The following ZNF678 variants were observed in gnomAD, a reference collection of about 807,000 sequenced individuals.
ZNF678 encodes the protein zinc finger protein 678.
In ZNF678, 5 loss-of-function variants were observed where a neutral mutation model predicts 3.0. The observed-to-expected ratio is 1.69, with a 90% CI of 0.88 to 3.56. The LOEUF is 3.56. Ranked by LOEUF, ZNF678 falls within the 30% of genes most tolerant of loss-of-function variation. The pLI, the probability that ZNF678 is intolerant of heterozygous loss-of-function variation, is 0.00. For synonymous variants in ZNF678, 218 were observed against 199.6 expected (o/e 1.09, Z -0.78); for missense variants, 593 against 605.0 (o/e 0.98, Z 0.21).
At chr1:227,598,803 C>T (rs1657659643) in intron 1 of ZNF678, 1 of 553,944 alleles carries the variant, frequency 1.8e-6, no homozygotes, top group Non-Finnish European at 3.4e-6. Context: ...CTCATTTTCA[C>T]AATCAGAAGA....
intron 1 of ZNF678, among the ~76,000 whole-genome samples, chr1:227,588,551 A>G (rs1232891302): frequency 9.4e-5 from 14 of 148,318 alleles, no homozygotes; most frequent in African/African-American, 3.0e-4. Flanking sequence ...CCAGGCTGGA[A>G]TATAATGGCA....
Position 227,660,692 on chromosome 1 carries a change from T to C in ZNF678, c.*4864T>C, listed in dbSNP as rs1659382691. 6.6e-6 allele frequency: 1 copy of C among 152,172 alleles called. No individual in the cohort carries two copies. The highest frequency in any genetic ancestry group is 2.4e-5 in the African/African-American group (1 of 41,456). 9.4% of individuals were successfully genotyped at this position (152,172 alleles called of 1,614,324 possible). ...TTTCTTTCTTTCCAATTTGGTTGTC[T>C]TTGGTTTTGTTTTCTAATTTCTCTG... is the stretch of plus-strand genomic sequence containing the variant. On this transcript the variant is annotated 3_prime_UTR_variant, in exon 4 of 4. Transcript: ENST00000343776.
intron 1 of ZNF678, among the ~76,000 whole-genome samples, chr1:227,566,515 G>A (rs1282348783): frequency 2.6e-5 from 4 of 152,208 alleles, no homozygotes; most frequent in South Asian, 2.1e-4. Context: ...AGACAGAATG[G>A]TCAGTGAGCA....
chr1:227,568,374 A>G (rs924527271), intron 1 of ZNF678, among the ~76,000 whole-genome samples: 1 of 151,308 alleles, frequency 6.6e-6, no homozygotes, highest in Non-Finnish European at 1.5e-5. Flanking sequence ...AAAAATGGGA[A>G]TTTGCAATCC....
chr1:227,651,803 G>A (rs1366637242), intron 3 of ZNF678, among the ~76,000 whole-genome samples: 1 of 152,082 alleles, frequency 6.6e-6, no homozygotes, highest in African/African-American at 2.4e-5. Context: ...CAAACACCTG[G>A]CCTGAAGTAA....
chr1:227,654,821 A>C lies in ZNF678; in HGVS notation c.571A>C (p.Asn191His). The C allele has an allele frequency of 1.9e-6, 3 of 1,609,028 alleles. No individual in the cohort carries two copies. The highest frequency in any genetic ancestry group is 2.5e-6 in the Non-Finnish European group (3 of 1,179,046). Residue 191 changes from asparagine to histidine, a missense_variant, in exon 4 of 4, where the codon AAT (asparagine) becomes CAT (histidine). Physicochemically the swap from Asn to His is moderately conservative, Grantham distance 68 (BLOSUM62 1). Transcript: ENST00000343776. ...YKCDECDKVF[N>H]WWSQLTSHKK... Reference sequence around the variant, plus strand: ...ATGTGATGAATGTGACAAAGTTTTTAATTGGTGGTCACAACTAACTAGCCA... The same window carrying C: ...ATGTGATGAATGTGACAAAGTTTTTCATTGGTGGTCACAACTAACTAGCCA...
intron 1 of ZNF678, among the ~76,000 whole-genome samples, chr1:227,597,935 C>T (rs750812715): frequency 7.2e-5 from 11 of 152,158 alleles, no homozygotes; most frequent in South Asian, 4.2e-4. Context: ...AAACCAGCTC[C>T]GCAACCCTAA....
chr1:227,649,087 A>G (rs1023740082), intron 2 of ZNF678, among the ~76,000 whole-genome samples: 3 of 149,462 alleles, frequency 2.0e-5, no homozygotes, highest in African/African-American at 7.4e-5. Context: ...TATGTAAACC[A>G]TATTTATCCA....
chr1:227,678,114 C>T (rs1294363540), downstream of ZNF678, among the ~76,000 whole-genome samples: 3 of 152,044 alleles, frequency 2.0e-5, no homozygotes, highest in African/African-American at 7.2e-5. Flanking sequence ...AAATAATGAC[C>T]CTAAAAGGGA....
rs1399464285 is a variant in ZNF678 at position 227,655,940 on chromosome 1, C to CTA, written c.*115_*116dup. 4 of 774,148 alleles carry CTA rather than the reference C, an allele frequency of 5.2e-6. No individual in the cohort carries two copies. The African/African-American group carries it at 7.1e-5, about 14-fold the overall frequency. The allele number at this position is 774,148 out of a possible 1,614,324, so 48.0% of individuals were successfully genotyped here. ...AATGTAAGCTTCAGAGTGCACAACA[C>CTA]TATACTGAATGAAATTTATAAATAT... On this transcript the variant is annotated 3_prime_UTR_variant, in exon 4 of 4. Coordinates refer to ENST00000343776, the MANE Select transcript of ZNF678 (RefSeq NM_001367909.1).
At chr1:227,654,200 A>G in intron 3 of ZNF678, 136 bp from the exon 4 acceptor site, 1 of 741,084 alleles carries the variant, frequency 1.3e-6, no homozygotes, top group Non-Finnish European at 2.0e-6. Flanking sequence ...TATATGTTCA[A>G]AAAGGAATCA....
intron 1 of ZNF678, among the ~76,000 whole-genome samples, chr1:227,601,366 C>G (rs1220623012): frequency 6.6e-6 from 1 of 151,820 alleles, no homozygotes; most frequent in African/African-American, 2.4e-5. Flanking sequence ...AATGCATGAC[C>G]TTGGAATTTT....
intron 1 of ZNF678, among the ~76,000 whole-genome samples, chr1:227,645,866 T>C (rs78757916): frequency 2.0e-3 from 300 of 152,360 alleles, no homozygotes; most frequent in African/African-American, 7.1e-3. Context: ...ATTTCTGCAC[T>C]ATAAAGCAAA....
chr1:227,565,054 C>CTTTTTT (rs56226010), intron 1 of ZNF678, among the ~76,000 whole-genome samples: 2 of 32,730 alleles, frequency 6.1e-5, no homozygotes, highest in African/African-American at 1.2e-4. Flanking sequence ...CCCTACCCGG[C>CTTTTTT]TTTTTTTTTT....
chr1:227,631,252 C>T (rs1658541436), intron 1 of ZNF678, among the ~76,000 whole-genome samples: 1 of 152,182 alleles, frequency 6.6e-6, no homozygotes, highest in African/African-American at 2.4e-5. Context: ...GGGTGCGTAA[C>T]CACCCATGGA....
chr1:227,636,134 G>A (rs1387540087), intron 1 of ZNF678, among the ~76,000 whole-genome samples: 1 of 152,026 alleles, frequency 6.6e-6, no homozygotes, highest in Admixed American at 6.5e-5. Flanking sequence ...ATAACACACC[G>A]GAGAAACAGG....
At chr1:227,577,980 C>G (rs2102723690) in intron 1 of ZNF678, among the ~76,000 whole-genome samples, 1 of 152,184 alleles carries the variant, frequency 6.6e-6, no homozygotes, top group African/African-American at 2.4e-5. Context: ...GATCTTATTT[C>G]TTTTTTGCTT....
At chr1:227,626,970 A>T (rs1658434861) in intron 1 of ZNF678, among the ~76,000 whole-genome samples, 1 of 150,788 alleles carries the variant, frequency 6.6e-6, no homozygotes, top group South Asian at 2.1e-4. Context: ...CAACCAGTGA[A>T]AGTATCTACC....
At chr1:227,609,600 T>C (rs2102758556) in intron 1 of ZNF678, among the ~76,000 whole-genome samples, 1 of 152,330 alleles carries the variant, frequency 6.6e-6, no homozygotes, top group African/African-American at 2.4e-5. Flanking sequence ...TTTGTGACGA[T>C]TCAATAACTA....
Sources: allele counts gnomAD v4.1 joint callset (sites outside exome capture counted in the v4.1 genomes callset), GRCh38; gene constraint gnomAD v4.1.1; transcripts MANE v1.5; gene names NCBI Gene and HGNC (gene_info 2026-07-23, HGNC 2026-07-21).